The following NUGGC variants were observed in gnomAD, a reference collection of about 807,000 sequenced individuals.
NUGGC encodes the protein nuclear GTPase, germinal center associated.
Under a neutral mutation model 92.6 loss-of-function variants are expected in NUGGC, and 58 were observed. The ratio of observed to expected loss-of-function variants is 0.63; its 90% CI spans 0.51 to 0.78. The LOEUF is 0.78. Ranked by LOEUF, NUGGC falls within the 30% of genes least tolerant of loss-of-function variation. NUGGC has a pLI of 0.00. For synonymous variants in NUGGC, 376 were observed against 366.4 expected (o/e 1.03, Z -0.30); for missense variants, 925 against 964.6 (o/e 0.96, Z 0.54).
At chr8:28,036,155 T>G (rs545366506) in intron 13 of NUGGC, among the ~76,000 whole-genome samples, 1 of 152,346 alleles carries the variant, frequency 6.6e-6, no homozygotes, top group South Asian at 2.1e-4. Flanking sequence ...ATTACAGGCA[T>G]GAGCCACTGC....
chr8:28,073,990 G>A (rs1810656402), intron 2 of NUGGC, among the ~76,000 whole-genome samples: 1 of 151,948 alleles, frequency 6.6e-6, no homozygotes, highest in African/African-American at 2.4e-5. Flanking sequence ...GTAGAGATGG[G>A]ATTTCACCAT....
At chr8:28,077,097 GGTA>G (rs1810741041) in intron 1 of NUGGC, among the ~76,000 whole-genome samples, 1 of 152,068 alleles carries the variant, frequency 6.6e-6, no homozygotes, top group Admixed American at 6.6e-5. Flanking sequence ...CAAGAAAGCT[GGTA>G]GTAGAAGTGC....
rs1810502760 is a variant in NUGGC at position 28,068,444 on chromosome 8, T to C, written c.258-6A>G. On this transcript the variant is annotated splice_region_variant and splice_polypyrimidine_tract_variant and intron_variant, in intron 4 of 18. Transcript: ENST00000413272. ...TCAAGGCAAGAAGCCTATTTCTGGATGAATTTTAAAATGCACATTGCCATG... is the reference window on the plus strand; with the variant it reads ...TCAAGGCAAGAAGCCTATTTCTGGACGAATTTTAAAATGCACATTGCCATG... 3 of 1,541,104 alleles carry C rather than the reference T, an allele frequency of 1.9e-6. No individual in the cohort carries two copies. Among genetic ancestry groups the C allele is most frequent in the East Asian group, 2.4e-5 (1 of 41,666 alleles).
At chr8:28,069,022 G>C (rs954146474) in intron 4 of NUGGC, among the ~76,000 whole-genome samples, 10 of 152,164 alleles carry the variant, frequency 6.6e-5, no homozygotes, top group Non-Finnish European at 1.2e-4. Context: ...ACTACACCTG[G>C]ACAGAAATTG....
At chr8:28,079,656 T>C (rs1810800918) in intron 1 of NUGGC, among the ~76,000 whole-genome samples, 1 of 152,224 alleles carries the variant, frequency 6.6e-6, no homozygotes. Context: ...AACTCAGTTT[T>C]CCTGACTCCA....
chr8:28,036,593 C>T (rs75287915), intron 13 of NUGGC, among the ~76,000 whole-genome samples: 3,157 of 152,298 alleles, frequency 0.021, 120 homozygotes, highest in African/African-American at 0.072. Flanking sequence ...AAGCTCCTCC[C>T]TCCCAAATCT....
At chr8:28,045,203 C>T (rs1000692706) in intron 12 of NUGGC, among the ~76,000 whole-genome samples, 7 of 152,172 alleles carry the variant, frequency 4.6e-5, no homozygotes, top group Admixed American at 2.6e-4. Flanking sequence ...TGTCTATATT[C>T]CACTAGAAGC....
At chr8:28,054,806 G>A (rs1056942745) in intron 10 of NUGGC, among the ~76,000 whole-genome samples, 1 of 152,094 alleles carries the variant, frequency 6.6e-6, no homozygotes, top group African/African-American at 2.4e-5. Context: ...CCAGCTACGT[G>A]GGAGGCTGAG....
intron 9 of NUGGC, among the ~76,000 whole-genome samples, chr8:28,057,120 G>T (rs1287104476): frequency 6.6e-6 from 1 of 152,152 alleles, no homozygotes; most frequent in South Asian, 2.1e-4. Context: ...CAGTGATCCT[G>T]GAGGGGCTCC....
Position 28,055,993 on chromosome 8 carries a change from C to T in NUGGC, c.1178G>A (p.Arg393Lys). 1 of 1,557,320 alleles carries T rather than the reference C, an allele frequency of 6.4e-7. No homozygotes were observed. The highest frequency in any genetic ancestry group is 1.4e-5 in the African/African-American group (1 of 74,004). ...CAGTTTTTCCTTGAGAATTCTAGTCCTTTGTAGTTTTATCATTTCATTTCT... is the reference window on the plus strand; with the variant it reads ...CAGTTTTTCCTTGAGAATTCTAGTCTTTTGTAGTTTTATCATTTCATTTCT... ...LERNEMIKLQ[R>K]TRILKEKLKR... The change falls in exon 10 of 19, where the codon AGG becomes AAG. Residue 393 changes from arginine to lysine, a missense_variant. Arg to Lys is a conservative substitution (Grantham distance 26, BLOSUM62 2). Coordinates refer to ENST00000413272, the MANE Select transcript of NUGGC (RefSeq NM_001010906.2).
intron 18 of NUGGC, among the ~76,000 whole-genome samples, chr8:28,025,736 A>G (rs954571703): frequency 1.3e-5 from 2 of 152,354 alleles, no homozygotes; most frequent in East Asian, 1.9e-4. Flanking sequence ...AGAAGCAGCC[A>G]TTGTGGCTTT....
In NUGGC at chr8:28,023,190, A is replaced by T. The variant is rs563822818; in HGVS notation, c.*127T>A. 897 of 1,016,756 alleles carry T rather than the reference A, an allele frequency of 8.8e-4. No individual in the cohort carries two copies. The highest frequency in any genetic ancestry group is 1.1e-3 in the Non-Finnish European group (767 of 710,096). The allele number at this position is 1,016,756 out of a possible 1,614,324, so 63.0% of individuals were successfully genotyped here. A position where few individuals can be genotyped will look rare whatever the true frequency, so the allele number is the denominator to read the frequency against. On this transcript the variant is annotated 3_prime_UTR_variant, in exon 19 of 19. Transcript: ENST00000413272. ...GAGTTCGAGGCTGCAGTGAGCTGTG[A>T]TGGTGCCACTGCACTCCAGCCTGGG...
chr8:28,075,186 T>C (rs1425161250), intron 1 of NUGGC, among the ~76,000 whole-genome samples: 3 of 152,074 alleles, frequency 2.0e-5, no homozygotes, highest in Non-Finnish European at 4.4e-5. Context: ...TGGAGTTGCT[T>C]TGGGGGGCTG....
At chr8:28,055,202 G>A (rs1337361841) in intron 10 of NUGGC, among the ~76,000 whole-genome samples, 3 of 152,016 alleles carry the variant, frequency 2.0e-5, no homozygotes, top group African/African-American at 2.4e-5. Context: ...GCAGTGAGCC[G>A]AGTTTGTCCC....
At chr8:28,051,291 C>G (rs1469287011) in intron 10 of NUGGC, among the ~76,000 whole-genome samples, 1 of 152,076 alleles carries the variant, frequency 6.6e-6, no homozygotes, top group African/African-American at 2.4e-5. Flanking sequence ...TAAAGGGAGT[C>G]AGCTTAAAGG....
At chr8:28,065,177 TTGA>T (rs1810408529) in intron 6 of NUGGC, among the ~76,000 whole-genome samples, 2 of 146,742 alleles carry the variant, frequency 1.4e-5, no homozygotes, top group African/African-American at 2.5e-5. Flanking sequence ...TTTTTTTTTT[TTGA>T]GACAGAGTCT....
intron 17 of NUGGC, 119 bp from the exon 18 acceptor site, chr8:28,027,171 TC>T: frequency 1.3e-6 from 1 of 780,734 alleles, no homozygotes; most frequent in South Asian, 1.5e-5. Context: ...GTTGCCAAAG[TC>T]AGGCTTTGCA....
intron 12 of NUGGC, among the ~76,000 whole-genome samples, chr8:28,044,227 C>T (rs1585568089): frequency 6.6e-6 from 1 of 152,192 alleles, no homozygotes; most frequent in South Asian, 2.1e-4. Context: ...CTTCCTCTAC[C>T]CCTTCCCTGT....
intron 13 of NUGGC, among the ~76,000 whole-genome samples, chr8:28,040,433 A>T (rs922554086): frequency 6.6e-6 from 1 of 152,140 alleles, no homozygotes; most frequent in African/African-American, 2.4e-5. Flanking sequence ...ATAAATTTTT[A>T]AAAAATGGGT....
Sources: gnomAD v4.1 joint callset for allele counts (sites outside exome capture counted in the v4.1 genomes callset) on GRCh38, gnomAD v4.1.1 for gene constraint, MANE v1.5 for transcripts, NCBI Gene and HGNC (gene_info 2026-07-23, HGNC 2026-07-21) for gene names.